The following FAM169A variants were observed in gnomAD, a reference collection of about 807,000 sequenced individuals.
FAM169A encodes the protein family with sequence similarity 169 member A, also known as soluble lamin-associated protein of 75 kDa.
FAM169A carries 24 observed loss-of-function variants against 75.7 expected under a neutral mutation model. The observed-to-expected ratio is 0.32, with a 90% CI of 0.23 to 0.45. The LOEUF (loss-of-function observed/expected upper bound fraction) is 0.45, where lower values mean the gene tolerates loss of function less well. Ranked by LOEUF, FAM169A falls within the 20% of genes least tolerant of loss-of-function variation. The pLI, the probability that FAM169A is intolerant of heterozygous loss-of-function variation, is 1.00. For missense variants in FAM169A, 673 were observed against 784.0 expected (o/e 0.86, Z 1.69); for synonymous variants, 271 against 271.0 (o/e 1.00, Z 0.00).
At chr5:74,805,006 G>T in intron 7 of FAM169A, 150 bp downstream of exon 7, 1 of 644,166 alleles carries the variant, frequency 1.6e-6, no homozygotes, top group Non-Finnish European at 2.6e-6. Flanking sequence ...TCTGTTACTA[G>T]AACAATCACA....
intron 11 of FAM169A, among the ~76,000 whole-genome samples, chr5:74,790,376 T>G (rs376721743): frequency 5.9e-5 from 9 of 152,114 alleles, no homozygotes; most frequent in Admixed American, 3.9e-4. Flanking sequence ...TCCAAGGAAG[T>G]AGAAATAGAC....
At chr5:74,790,070 C>G (rs1261046809) in intron 11 of FAM169A, among the ~76,000 whole-genome samples, 1 of 152,168 alleles carries the variant, frequency 6.6e-6, no homozygotes, top group Non-Finnish European at 1.5e-5. Flanking sequence ...TTGAGCAGGT[C>G]TTGAAGACAC....
At chr5:74,782,730 A>C (rs559752497) in intron 12 of FAM169A, among the ~76,000 whole-genome samples, 21 of 152,212 alleles carry the variant, frequency 1.4e-4, no homozygotes, top group Non-Finnish European at 3.1e-4. Context: ...TTGTTACCAC[A>C]TATCAGATAT....
chr5:74,808,386 A>C (rs1414939623), intron 6 of FAM169A, among the ~76,000 whole-genome samples: 1 of 152,136 alleles, frequency 6.6e-6, no homozygotes, highest in African/African-American at 2.4e-5. Context: ...AGAAAAATAA[A>C]TATTGTATGA....
chr5:74,794,963 A>C (rs568104072), intron 11 of FAM169A, among the ~76,000 whole-genome samples: 23 of 151,972 alleles, frequency 1.5e-4, no homozygotes, highest in Non-Finnish European at 2.8e-4. Flanking sequence ...GAGTAACTTA[A>C]GAAAACAAAA....
chr5:74,854,392 C>T (rs926127967), intron 1 of FAM169A, among the ~76,000 whole-genome samples: 4 of 134,860 alleles, frequency 3.0e-5, no homozygotes, highest in Admixed American at 1.5e-4. Flanking sequence ...GAGACTCCAT[C>T]TCAAAAATAA....
intron 4 of FAM169A, among the ~76,000 whole-genome samples, chr5:74,835,837 C>G (rs141082928): frequency 5.1e-4 from 78 of 152,186 alleles, no homozygotes; most frequent in African/African-American, 1.7e-3. Flanking sequence ...CAGTTCTGAC[C>G]AACAACAATT....
chr5:74,864,630 A>G (rs16872364), intron 1 of FAM169A, among the ~76,000 whole-genome samples: 36,201 of 152,136 alleles, frequency 0.24, 4,557 homozygotes, highest in Middle Eastern at 0.33. Context: ...TCCACAGGTA[A>G]AACACCTTAA....
intron 5 of FAM169A, among the ~76,000 whole-genome samples, chr5:74,815,232 G>A (rs187121501): frequency 1.2e-4 from 18 of 149,270 alleles, no homozygotes; most frequent in Admixed American, 5.4e-4. Context: ...TCTTGTTGCC[G>A]AGGCTGGAGG....
chr5:74,795,902 G>T, intron 11 of FAM169A, 128 bp downstream of exon 11: 3 of 891,474 alleles, frequency 3.4e-6, no homozygotes, highest in East Asian at 2.6e-5. Context: ...TAATATATAT[G>T]ATTTTTAACA....
chr5:74,789,125 A>G (rs1745845491), intron 11 of FAM169A, among the ~76,000 whole-genome samples: 1 of 152,240 alleles, frequency 6.6e-6, no homozygotes, highest in Admixed American at 6.5e-5. Context: ...GATTTGTGTC[A>G]TAACCTTGTT....
At chr5:74,792,577 C>T (rs952219282) in intron 11 of FAM169A, among the ~76,000 whole-genome samples, 2 of 152,146 alleles carry the variant, frequency 1.3e-5, no homozygotes, top group Admixed American at 1.3e-4. Flanking sequence ...TACTGTGGGA[C>T]TCTGTGATCA....
intron 1 of FAM169A, among the ~76,000 whole-genome samples, chr5:74,854,557 TCTAA>T (rs1038728216): frequency 3.3e-5 from 5 of 152,138 alleles, no homozygotes; most frequent in African/African-American, 7.2e-5. Context: ...CTTCATTCAA[TCTAA>T]CTATGTTTTT....
At chr5:74,794,622 C>T (rs1746167013) in intron 11 of FAM169A, among the ~76,000 whole-genome samples, 1 of 150,416 alleles carries the variant, frequency 6.6e-6, no homozygotes, top group Admixed American at 6.6e-5. Flanking sequence ...ACAAAAAATA[C>T]AAAAAAATTA....
chr5:74,847,573 ATAT>A (rs1749220403), intron 1 of FAM169A, among the ~76,000 whole-genome samples: 1 of 152,186 alleles, frequency 6.6e-6, no homozygotes, highest in African/African-American at 2.4e-5. Flanking sequence ...CCAATTTGGT[ATAT>A]TAGATTATAC....
intron 9 of FAM169A, among the ~76,000 whole-genome samples, chr5:74,801,278 G>T (rs1396408171): frequency 6.6e-6 from 1 of 152,030 alleles, no homozygotes; most frequent in Admixed American, 6.6e-5. Flanking sequence ...GTTATCTTGG[G>T]CTTTGCAAAG....
chr5:74,813,180 C>A (rs1290922151), intron 6 of FAM169A, among the ~76,000 whole-genome samples: 1 of 152,164 alleles, frequency 6.6e-6, no homozygotes, highest in Non-Finnish European at 1.5e-5. Context: ...TGGATGGTGA[C>A]TGCGAATTGG....
intron 4 of FAM169A, among the ~76,000 whole-genome samples, chr5:74,836,625 C>A (rs2112658434): frequency 6.6e-6 from 1 of 152,306 alleles, no homozygotes; most frequent in Middle Eastern, 3.4e-3. Context: ...ACTGGAATAG[C>A]AGTCCCCCTT....
intron 10 of FAM169A, chr5:74,798,976 T>G: frequency 8.7e-7 from 1 of 1,149,834 alleles, no homozygotes; most frequent in Non-Finnish European, 1.3e-6. Flanking sequence ...TTTCTCTCCT[T>G]TGAAAACACT....
Sources: gnomAD v4.1 joint callset for allele counts (sites outside exome capture counted in the v4.1 genomes callset) on GRCh38, gnomAD v4.1.1 for gene constraint, MANE v1.5 for transcripts, NCBI Gene and HGNC (gene_info 2026-07-23, HGNC 2026-07-21) for gene names.